IFT46: variants seen among roughly 807,000 people sequenced by gnomAD.
IFT46 encodes the protein intraflagellar transport protein 46 homolog.
A neutral mutation model predicts 39.6 loss-of-function variants in IFT46; 19 were observed. That is an observed-to-expected ratio of 0.48 (90% confidence interval 0.33 to 0.70). The LOEUF is 0.70. Among genes scored for constraint, IFT46 ranks in the 30% least tolerant of loss-of-function variants. The pLI, the probability that IFT46 is intolerant of heterozygous loss-of-function variation, is 0.01. For missense variants in IFT46, 334 were observed against 364.8 expected, an observed-to-expected ratio of 0.92 and a Z score of 0.69; for synonymous variants, 117 against 134.8, an observed-to-expected ratio of 0.87 and a Z score of 0.91.
chr11:118,574,489 A>G (rs374422952), upstream of IFT46, among the ~76,000 whole-genome samples: 22 of 152,330 alleles, frequency 1.4e-4, 1 homozygote, highest in East Asian at 3.1e-3. Context: ...TAGATTCTAT[A>G]ACTAACATTT....
In IFT46 at chr11:118,556,215, G is replaced by T. The variant is rs190779597; in HGVS notation, c.185+691C>A. 2.6e-4 allele frequency among the ~76,000 whole-genome samples: 40 copies of T among 152,176 alleles called. No homozygotes were observed. In the East Asian group the frequency reaches 5.1e-3, roughly 19 times the overall value. On this transcript the variant is annotated intron_variant, in intron 4 of 11. Coordinates refer to ENST00000264021, the MANE Select transcript of IFT46 (RefSeq NM_001168618.2). ...TTTTTAAAAAATTTTTGGGCGGCCGGGTGCAGTGGCTCACGCCTGTAATCC... is the reference window on the plus strand; with the variant it reads ...TTTTTAAAAAATTTTTGGGCGGCCGTGTGCAGTGGCTCACGCCTGTAATCC...
intron 8 of IFT46, 113 bp downstream of exon 8, chr11:118,552,101 C>T: frequency 1.5e-6 from 2 of 1,313,110 alleles, no homozygotes; most frequent in East Asian, 2.3e-5. Flanking sequence ...ATCCACAGGA[C>T]CTCAGGTTGA....
In IFT46 at chr11:118,545,319, G is replaced by A. The variant is rs113767480; in HGVS notation, c.819+90C>T. The A allele has an allele frequency of 2.9e-3, 2,773 of 956,450 alleles. 64 individuals carry two copies. The African/African-American group carries it at 0.04, about 14-fold the overall frequency. The allele number at this position is 956,450 out of a possible 1,614,324, so 59.2% of individuals were successfully genotyped here. ...TAACTGGGCAGAGACATCCTACATC[G>A]CTATAGGATGCAATCACAGCAGGCT... On this transcript the variant is annotated intron_variant, in intron 11 of 11. Coordinates refer to ENST00000264021, the MANE Select transcript of IFT46 (RefSeq NM_001168618.2).
chr11:118,563,958 T>C lies in IFT46; in HGVS notation c.-36+1007A>G, dbSNP rs59563812. On this transcript the variant is annotated intron_variant, in intron 2 of 11. Transcript: ENST00000264021. ...GGCTCATACCTGTAATCCCAGCACTTTGGGAGGCCGAGGCAGGTGGATCAG... is the reference window on the plus strand; with the variant it reads ...GGCTCATACCTGTAATCCCAGCACTCTGGGAGGCCGAGGCAGGTGGATCAG... Among the ~76,000 whole-genome samples the C allele has an allele frequency of 9.7e-3, 1,471 of 151,894 alleles. 23 individuals carry two copies. Among genetic ancestry groups the C allele is most frequent in the African/African-American group, 0.034 (1,393 of 41,424 alleles).
chr11:118,567,503 G>C (rs1224806930), upstream of IFT46, among the ~76,000 whole-genome samples: 1 of 152,026 alleles, frequency 6.6e-6, no homozygotes, highest in Non-Finnish European at 1.5e-5. Flanking sequence ...TTGAACCCGG[G>C]AGGTGGAGGT....
At chr11:118,563,203 T>G (rs1938120881) in intron 2 of IFT46, among the ~76,000 whole-genome samples, 2 of 150,134 alleles carry the variant, frequency 1.3e-5, no homozygotes, top group South Asian at 4.1e-4. Context: ...ATAAATACAG[T>G]ATGATTTCAC....
intron 1 of IFT46, chr11:118,572,471 G>A (rs1379227583): frequency 4.6e-6 from 7 of 1,536,336 alleles, no homozygotes; most frequent in Non-Finnish European, 5.3e-6. Flanking sequence ...CAGAGCTGCT[G>A]GTGCTCCCGT....
intron 7 of IFT46, among the ~76,000 whole-genome samples, chr11:118,553,747 G>C (rs1430605835): frequency 6.6e-6 from 1 of 152,146 alleles, no homozygotes; most frequent in African/African-American, 2.4e-5. Context: ...GACAGAACTA[G>C]AGAATGAATA....
chr11:118,565,526 T>TGGGAGGGG (rs1938200097), intron 1 of IFT46: 2 of 131,434 alleles, frequency 1.5e-5, no homozygotes, highest in African/African-American at 5.8e-5. Context: ...GGTGGGAGGG[T>TGGGAGGGG]CCCCGAAGAG....
chr11:118,570,203 G>A (rs527634500), upstream of IFT46, among the ~76,000 whole-genome samples: 12 of 151,668 alleles, frequency 7.9e-5, no homozygotes, highest in South Asian at 2.3e-3. Flanking sequence ...ACAGGCACGC[G>A]CCACCATGCC....
At chr11:118,545,263 T>C (rs1951649714) in intron 11 of IFT46, 146 bp downstream of exon 11, 1 of 759,376 alleles carries the variant, frequency 1.3e-6, no homozygotes, top group South Asian at 1.7e-5. Flanking sequence ...CCTGCCTCCT[T>C]TGCTCTCCTA....
intron 2 of IFT46, chr11:118,560,889 C>A (rs1293073475): frequency 7.5e-6 from 6 of 798,208 alleles, no homozygotes; most frequent in African/African-American, 5.0e-5. Flanking sequence ...ACTGCTTATG[C>A]CCGTATAGAG....
chr11:118,548,122 A>G (rs2135477416), intron 9 of IFT46, among the ~76,000 whole-genome samples: 1 of 147,520 alleles, frequency 6.8e-6, no homozygotes, highest in South Asian at 2.1e-4. Flanking sequence ...GCCTCAAATG[A>G]TCATCCCACC....
intron 11 of IFT46, 65 bp downstream of exon 11, chr11:118,545,344 T>C (rs1466172986): frequency 8.3e-7 from 1 of 1,201,012 alleles, no homozygotes; most frequent in Non-Finnish European, 1.2e-6. Context: ...CACAGCAGGC[T>C]CAGAACAGTA....
At chr11:118,558,664 C>G (rs919518088) in intron 3 of IFT46, among the ~76,000 whole-genome samples, 1 of 151,630 alleles carries the variant, frequency 6.6e-6, no homozygotes, top group Non-Finnish European at 1.5e-5. Flanking sequence ...ACCTGTAATC[C>G]CAGCACTTTG....
intron 2 of IFT46, 50 bp downstream of exon 2, chr11:118,564,915 G>A (rs1555071195): frequency 1.3e-5 from 2 of 152,580 alleles, no homozygotes; most frequent in African/African-American, 4.8e-5. Context: ...GAAGACAACC[G>A]TGAATCCATC....
chr11:118,559,659 G>A (rs1009064405), intron 3 of IFT46, 126 bp downstream of exon 3: 24 of 746,816 alleles, frequency 3.2e-5, no homozygotes, highest in Non-Finnish European at 5.7e-5. Context: ...TTTCCTCCAT[G>A]AGCTCAAAGG....
upstream of IFT46, among the ~76,000 whole-genome samples, chr11:118,576,248 C>G (rs1938498003): frequency 6.6e-6 from 1 of 151,066 alleles, no homozygotes; most frequent in East Asian, 1.9e-4. Context: ...TGTACTCAAA[C>G]CATGTAAGAA....
chr11:118,550,670 C>T (rs1399732804), intron 9 of IFT46, among the ~76,000 whole-genome samples: 1 of 152,108 alleles, frequency 6.6e-6, no homozygotes, highest in East Asian at 1.9e-4. Context: ...AGGCAGAAAC[C>T]TACTTTAATT....
Sources: allele counts gnomAD v4.1 joint callset (sites outside exome capture counted in the v4.1 genomes callset), GRCh38; gene constraint gnomAD v4.1.1; transcripts MANE v1.5; gene names NCBI Gene and HGNC (gene_info 2026-07-23, HGNC 2026-07-21).